The following DCC variants were observed in gnomAD, a reference collection of about 807,000 sequenced individuals.
The protein encoded by DCC is DCC netrin 1 receptor.
DCC carries 58 observed loss-of-function variants against 172.5 expected under a neutral mutation model. The ratio of observed to expected loss-of-function variants is 0.34; its 90% CI spans 0.27 to 0.42. The LOEUF (loss-of-function observed/expected upper bound fraction) is 0.42, where lower values mean the gene tolerates loss of function less well. Among genes scored for constraint, DCC ranks in the 10% least tolerant of loss-of-function variants. The pLI, the probability that DCC is intolerant of heterozygous loss-of-function variation, is 1.00. For synonymous variants in DCC, 709 were observed against 644.5 expected (o/e 1.10, Z -1.52); for missense variants, 1,740 against 1,791.0 (o/e 0.97, Z 0.51).
At chr18:53,499,602 A>G in intron 27 of DCC, 92 bp downstream of exon 27, 2 of 1,041,010 alleles carry the variant, frequency 1.9e-6, no homozygotes, top group Admixed American at 1.7e-5. Context: ...CCTAGATGTC[A>G]TATATCTTTT....
chr18:53,268,235 A>G (rs1244832640), intron 12 of DCC, among the ~76,000 whole-genome samples: 2 of 152,146 alleles, frequency 1.3e-5, no homozygotes, highest in Non-Finnish European at 2.9e-5. Context: ...CTAAAGCATC[A>G]TGATTTTTAC....
intron 2 of DCC, among the ~76,000 whole-genome samples, chr18:52,763,048 T>G (rs1455479577): frequency 6.6e-6 from 1 of 152,194 alleles, no homozygotes; most frequent in Non-Finnish European, 1.5e-5. Context: ...ATCTTCAATC[T>G]ACTGATGAAC....
chr18:52,667,669 T>C (rs2079247383), intron 1 of DCC, among the ~76,000 whole-genome samples: 1 of 152,192 alleles, frequency 6.6e-6, no homozygotes, highest in South Asian at 2.1e-4. Context: ...ACGCTCTGCA[T>C]AACAGCCCCT....
intron 15 of DCC, among the ~76,000 whole-genome samples, chr18:53,364,321 A>AT (rs200786313): frequency 6.5e-4 from 98 of 151,178 alleles, no homozygotes; most frequent in South Asian, 1.3e-3. Context: ...TAATATTTCT[A>AT]TTTTTTTTTC....
chr18:52,797,258 T>TCCTTCAAGATAAAGATC (rs34665847), intron 2 of DCC, among the ~76,000 whole-genome samples: 1 of 152,212 alleles, frequency 6.6e-6, no homozygotes, highest in Admixed American at 6.5e-5. Context: ...AAGATAAAGT[T>TCCTTCAAGATAAAGATC]CCTGTTTTGG....
chr18:52,924,826 C>G lies in DCC; in HGVS notation c.849-408C>G, dbSNP rs546506694. On this transcript the variant is annotated intron_variant, in intron 4 of 28. Transcript: ENST00000442544. Reference sequence around the variant, plus strand: ...TGTTCTCTGCGTATAGCCAAGCACTCTTAGTGCAGTATCAAATATGGTTTT... The same window carrying G: ...TGTTCTCTGCGTATAGCCAAGCACTGTTAGTGCAGTATCAAATATGGTTTT... Among the ~76,000 whole-genome samples the G allele has an allele frequency of 2.0e-5, 3 of 152,112 alleles. No homozygotes were observed. In the East Asian group the frequency reaches 5.8e-4, roughly 29 times the overall value.
At chr18:52,504,534 G>A (rs1045279267) in intron 1 of DCC, among the ~76,000 whole-genome samples, 13 of 152,176 alleles carry the variant, frequency 8.5e-5, no homozygotes, top group African/African-American at 3.1e-4. Context: ...CACAGTGGCT[G>A]TGGGGTCTTT....
At chr18:52,656,189 C>T (rs966263301) in intron 1 of DCC, among the ~76,000 whole-genome samples, 8 of 150,994 alleles carry the variant, frequency 5.3e-5, no homozygotes, top group African/African-American at 1.5e-4. Context: ...ATTCATATGT[C>T]GAAATCCTAA....
At chr18:53,345,971 T>A (rs958524472) in intron 15 of DCC, among the ~76,000 whole-genome samples, 1 of 151,946 alleles carries the variant, frequency 6.6e-6, no homozygotes, top group Non-Finnish European at 1.5e-5. Flanking sequence ...ATTATTTGAA[T>A]TTTTTTGTTT....
intron 5 of DCC, among the ~76,000 whole-genome samples, chr18:53,059,592 T>A (rs369429443): frequency 6.6e-6 from 1 of 152,180 alleles, no homozygotes; most frequent in Non-Finnish European, 1.5e-5. Context: ...TTGGAAGATA[T>A]GCTTTAATAT....
At chr18:53,312,170 A>G (rs928142595) in intron 13 of DCC, among the ~76,000 whole-genome samples, 24 of 35,726 alleles carry the variant, frequency 6.7e-4, no homozygotes, top group African/African-American at 2.4e-3. Flanking sequence ...AAAAAAAAAA[A>G]AAAAAAAGAA....
chr18:53,529,987 T>C (rs951593206), intron 28 of DCC, among the ~76,000 whole-genome samples: 1 of 152,162 alleles, frequency 6.6e-6, no homozygotes, highest in Non-Finnish European at 1.5e-5. Flanking sequence ...ACTAAAGTCA[T>C]AATCTCCAGA....
At chr18:52,513,430 G>A (rs984083320) in intron 1 of DCC, among the ~76,000 whole-genome samples, 9 of 152,096 alleles carry the variant, frequency 5.9e-5, no homozygotes, top group Non-Finnish European at 1.3e-4. Flanking sequence ...GACTGTGTGA[G>A]TTGAAATCTG....
At chr18:53,359,154 G>A (rs2057916927) in intron 15 of DCC, among the ~76,000 whole-genome samples, 1 of 152,166 alleles carries the variant, frequency 6.6e-6, no homozygotes, top group Non-Finnish European at 1.5e-5. Context: ...ATATAAGAGA[G>A]TTGCAGGAGT....
At chr18:52,582,345 C>A (rs1374895447) in intron 1 of DCC, among the ~76,000 whole-genome samples, 1 of 152,150 alleles carries the variant, frequency 6.6e-6, no homozygotes, top group Non-Finnish European at 1.5e-5. Flanking sequence ...CAGTTTGGCA[C>A]GCACAATTTC....
chr18:53,268,018 T>G (rs1052477911), intron 12 of DCC, among the ~76,000 whole-genome samples: 4 of 152,188 alleles, frequency 2.6e-5, no homozygotes, highest in African/African-American at 9.7e-5. Context: ...TGTGAGCACC[T>G]TATTGCAAAC....
chr18:52,513,447 G>C (rs1334844483), intron 1 of DCC, among the ~76,000 whole-genome samples: 3 of 152,012 alleles, frequency 2.0e-5, no homozygotes, highest in African/African-American at 7.2e-5. Context: ...TCTGTATAAA[G>C]CTCTTAGAAT....
At chr18:52,792,189 G>C (rs183965739) in intron 2 of DCC, among the ~76,000 whole-genome samples, 24 of 139,690 alleles carry the variant, frequency 1.7e-4, no homozygotes, top group Non-Finnish European at 3.1e-4. Context: ...TGCTCACTGT[G>C]GGGGGTGCGA....
intron 27 of DCC, among the ~76,000 whole-genome samples, chr18:53,514,979 A>G (rs1043971646): frequency 1.8e-4 from 27 of 151,142 alleles, no homozygotes; most frequent in Admixed American, 6.6e-5. Context: ...TACCAAAGCC[A>G]GGCAGAGACA....
Sources: allele counts gnomAD v4.1 joint callset (sites outside exome capture counted in the v4.1 genomes callset), GRCh38; gene constraint gnomAD v4.1.1; transcripts MANE v1.5; gene names NCBI Gene and HGNC (gene_info 2026-07-23, HGNC 2026-07-21).